Variants in ALS2 observed in about 807,000 individuals in gnomAD.
ALS2 encodes the protein alsin Rho guanine nucleotide exchange factor ALS2, also known as alsin.
ALS2 carries 117 observed loss-of-function variants against 203.4 expected under a neutral mutation model. The observed-to-expected ratio is 0.58, with a 90% CI of 0.50 to 0.67. ALS2 has a LOEUF of 0.67. Ranked by LOEUF, ALS2 falls within the 30% of genes least tolerant of loss-of-function variation. The pLI, the probability that ALS2 is intolerant of heterozygous loss-of-function variation, is 0.00. For synonymous variants in ALS2, 718 were observed against 725.9 expected, an observed-to-expected ratio of 0.99 and a Z score of 0.17; for missense variants, 1,715 against 1,989.4, an observed-to-expected ratio of 0.86 and a Z score of 2.62.
chr2:201,732,017 G>T (rs1008629523), intron 13 of ALS2, among the ~76,000 whole-genome samples: 3 of 152,098 alleles, frequency 2.0e-5, no homozygotes, highest in Admixed American at 1.3e-4. Context: ...AAGCTGATCT[G>T]GTGGAAAATT....
rs751383826 is a variant in ALS2, at chr2:201,760,384, T to C, written c.1113+497A>G. 3.5e-5 allele frequency: 35 copies of C among 987,230 alleles called. No homozygotes were observed. In the African/African-American group the frequency reaches 5.6e-4, roughly 16 times the overall value. 61.2% of individuals were successfully genotyped at this position (987,230 alleles called of 1,614,324 possible). A position where few individuals can be genotyped will look rare whatever the true frequency, so the allele number is the denominator to read the frequency against. On this transcript the variant is annotated intron_variant, in intron 4 of 33. Transcript: ENST00000264276. The stretch of plus-strand genomic sequence containing the variant: ...AGCCCAGTAAGGACCACAGCTATAA[T>C]TGAAAAAAACTGAAACATGTAATTG...
In ALS2 at chr2:201,729,266, A is replaced by G. The variant is rs1691391974; in HGVS notation, c.2581-83T>C. 3 of 1,465,604 alleles carry G rather than the reference A, an allele frequency of 2.0e-6. No individual in the cohort carries two copies. The East Asian group carries it at 7.2e-5, about 35-fold the overall frequency. 90.8% of individuals were successfully genotyped at this position (1,465,604 alleles called of 1,614,324 possible). ...AATCTGTAGCCTCAGTCTGCCTTAG[A>G]CATATAGTATTAAATGTAGGAGAAA... is the stretch of plus-strand genomic sequence containing the variant. On this transcript the variant is annotated intron_variant, in intron 13 of 33. Transcript: ENST00000264276.
Position 201,707,034 on chromosome 2 carries a change from T to C in ALS2, c.4404-12A>G. 1 of 1,609,890 alleles carries C rather than the reference T, an allele frequency of 6.2e-7. No homozygotes were observed. Among genetic ancestry groups the C allele is most frequent in the Non-Finnish European group, 8.5e-7 (1 of 1,177,648 alleles). On this transcript the variant is annotated splice_polypyrimidine_tract_variant and intron_variant, in intron 28 of 33. Transcript: ENST00000264276. Reference sequence around the variant, plus strand: ...TCGTTACTACATAACTACAAAATAATGGAGTGGGAGAAAAGGAGCATTTTT... The same window carrying C: ...TCGTTACTACATAACTACAAAATAACGGAGTGGGAGAAAAGGAGCATTTTT...
chr2:201,741,548 T>C, intron 11 of ALS2, 126 bp downstream of exon 11: 1 of 1,038,390 alleles, frequency 9.6e-7, no homozygotes, highest in South Asian at 1.4e-5. Context: ...AAGATTAAAA[T>C]ACTGCTTTGC....
intron 29 of ALS2, among the ~76,000 whole-genome samples, chr2:201,705,960 A>AAT (rs1318894693): frequency 6.6e-6 from 1 of 151,760 alleles, no homozygotes. Flanking sequence ...AAAAAAAAAA[A>AAT]AATTGAGGCT....
At chr2:201,746,058 A>G (rs540062904) in intron 9 of ALS2, among the ~76,000 whole-genome samples, 4 of 152,334 alleles carry the variant, frequency 2.6e-5, no homozygotes, top group Non-Finnish European at 5.9e-5. Context: ...CCATGAGCCT[A>G]TCTCAGGCTC....
intron 33 of ALS2, 71 bp downstream of exon 33, chr2:201,704,051 T>C: frequency 1.5e-6 from 2 of 1,373,580 alleles, no homozygotes; most frequent in Non-Finnish European, 2.0e-6. Context: ...AAGTGGTTAA[T>C]GGCATTTATA....
rs1468123038 is a variant in ALS2 at position 201,733,414 on chromosome 2, C to G, written c.2442G>C (p.Glu814Asp). 2 of 1,613,422 alleles carry G rather than the reference C, an allele frequency of 1.2e-6. No homozygotes were observed. The highest frequency in any genetic ancestry group is 1.7e-5 in the Admixed American group (1 of 59,964). ...PAIDFLNKNQ[E>D]LLQDLSEVND... ...TCACTTCTGACAAATCTTGCAACAG[C>G]TCTTGGTTTTTATTTAGGAAATCAC... The change falls in exon 13 of 34, where the codon GAG becomes GAC. Residue 814 changes from glutamate to aspartate, a missense_variant. Glu to Asp is a conservative substitution (Grantham distance 45, BLOSUM62 2). This residue lies in a region of ALS2 where 1,227 missense variants were observed against 1,413.5 expected (regional missense o/e 0.87). Coordinates refer to ENST00000264276, the MANE Select transcript of ALS2 (RefSeq NM_020919.4).
chr2:201,716,360 A>G (rs1486711179), intron 24 of ALS2, among the ~76,000 whole-genome samples: 3 of 152,104 alleles, frequency 2.0e-5, no homozygotes, highest in African/African-American at 7.2e-5. Context: ...CCAGGCCAAC[A>G]TGGCAAAACC....
chr2:201,777,325 T>C (rs550936482), intron 1 of ALS2, among the ~76,000 whole-genome samples: 1 of 148,792 alleles, frequency 6.7e-6, no homozygotes, highest in Admixed American at 6.6e-5. Flanking sequence ...TTGGTCTGTC[T>C]CCTCTCCTTA....
In ALS2 at chr2:201,741,670, T is replaced by C. The variant is rs1349765033; in HGVS notation, c.2351+4A>G. The C allele has an allele frequency of 6.2e-7, 1 of 1,613,946 alleles. No homozygotes were observed. On this transcript the variant is annotated splice_donor_region_variant and intron_variant, in intron 11 of 33. Coordinates refer to ENST00000264276, the MANE Select transcript of ALS2 (RefSeq NM_020919.4). ...TTGAACATGACACGGGACTGGATAC[T>C]TGCTCTGTATAACTATCCAAGAAGA...
chr2:201,730,845 T>C (rs1691510382), intron 13 of ALS2, among the ~76,000 whole-genome samples: 2 of 152,272 alleles, frequency 1.3e-5, no homozygotes, highest in African/African-American at 4.8e-5. Context: ...ACTACTAGTA[T>C]AGTCTGGTGC....
intron 10 of ALS2, among the ~76,000 whole-genome samples, chr2:201,742,277 T>C (rs1692328404): frequency 6.6e-6 from 1 of 152,238 alleles, no homozygotes; most frequent in African/African-American, 2.4e-5. Flanking sequence ...AGTTATATCT[T>C]TGTAAACATT....
intron 28 of ALS2, among the ~76,000 whole-genome samples, chr2:201,707,228 CATG>C (rs1689773624): frequency 6.6e-6 from 1 of 152,146 alleles, no homozygotes; most frequent in South Asian, 2.1e-4. Flanking sequence ...GAATTCTTTT[CATG>C]AATTAAAAAT....
Position 201,725,402 on chromosome 2 carries a change from C to A in ALS2, c.3301G>T (p.Val1101Leu). Residue 1101 changes from valine (V) to leucine (L), a missense_variant, in exon 20 of 34, where the codon GTG (valine) becomes TTG (leucine). Coordinates refer to ENST00000264276, the MANE Select transcript of ALS2 (RefSeq NM_020919.4). ...ATTTTTCCTTCTTTCCAATGGCCCA[C>A]ATAATGGTCTTCTTTGTTCATTGCC... ...NKAMNKEDHY[V>L]GHWKEGKMCG... The A allele has an allele frequency of 3.1e-6, 5 of 1,614,084 alleles. 1 individual carries two copies. The South Asian group carries it at 5.5e-5, about 18-fold the overall frequency.
At chr2:201,769,039 T>C in intron 1 of ALS2, 94 bp from the exon 2 acceptor site, 1 of 599,776 alleles carries the variant, frequency 1.7e-6, no homozygotes. Context: ...AAGTGCACAT[T>C]CACTAGGAAA....
Position 201,761,586 on chromosome 2 carries a change from A to G in ALS2, c.408T>C (p.Pro136=), listed in dbSNP as rs747744975. 6.2e-7 allele frequency: 1 copy of G among 1,614,238 alleles called. No homozygotes were observed. The highest frequency in any genetic ancestry group is 8.5e-7 in the Non-Finnish European group (1 of 1,180,046). ...ANQQYVPEPN[P]VSIADSEASP... is the part of the protein sequence containing the mutation. Reference sequence around the variant, plus strand: ...TGGCCTCAGAATCAGCAATGCTGACAGGATTTGGTTCCGGCACATACTGCT... The same window carrying G: ...TGGCCTCAGAATCAGCAATGCTGACGGGATTTGGTTCCGGCACATACTGCT... The change falls in exon 4 of 34, where the codon CCT becomes CCC. Residue 136 remains proline, a synonymous_variant. Coordinates refer to ENST00000264276, the MANE Select transcript of ALS2 (RefSeq NM_020919.4).
intron 13 of ALS2, 124 bp from the exon 14 acceptor site, chr2:201,729,307 A>G (rs1691395115): frequency 3.6e-6 from 4 of 1,104,400 alleles, no homozygotes; most frequent in African/African-American, 1.6e-5. Context: ...GCCCACGAGC[A>G]TAAGTAGCAC....
chr2:201,728,515 G>A lies in ALS2; in HGVS notation c.2838C>T (p.Ala946=). ...FILFNDALVH[A]QFSTHHVFPL... Reference sequence around the variant, plus strand: ...TAAGGTTAGGAATCCAGCCTACCTGGGCATGGACCAGGGCATCATTAAAGA... The same window carrying A: ...TAAGGTTAGGAATCCAGCCTACCTGAGCATGGACCAGGGCATCATTAAAGA... Residue 946 remains alanine, a synonymous_variant, in exon 15 of 34, where the codon GCC becomes GCT. Transcript: ENST00000264276. 14 of 1,614,004 alleles carry A rather than the reference G, an allele frequency of 8.7e-6. No homozygotes were observed. The highest frequency in any genetic ancestry group is 1.2e-5 in the Non-Finnish European group (14 of 1,180,010).
Sources: gnomAD v4.1 joint callset for allele counts (sites outside exome capture counted in the v4.1 genomes callset) on GRCh38, gnomAD v4.1.1 for gene constraint, gnomAD v4.1.1 regional missense constraint, MANE v1.5 for transcripts, NCBI Gene and HGNC (gene_info 2026-07-23, HGNC 2026-07-21) for gene names.